The following KYNU variants were observed in gnomAD, a reference collection of about 807,000 sequenced individuals.
KYNU encodes the protein L-kynurenine hydrolase.
Under a neutral mutation model 59.2 loss-of-function variants are expected in KYNU, and 54 were observed. The ratio of observed to expected loss-of-function variants is 0.91; its 90% CI spans 0.73 to 1.14. The LOEUF (loss-of-function observed/expected upper bound fraction) is 1.14. KYNU is among the 50% of genes most tolerant of loss of function. KYNU has a pLI of 0.00. For missense variants in KYNU, 567 were observed against 554.4 expected (o/e 1.02, Z -0.23); for synonymous variants, 177 against 192.0 (o/e 0.92, Z 0.65).
At chr2:142,964,064 G>A (rs908551336) in intron 8 of KYNU, among the ~76,000 whole-genome samples, 1 of 150,178 alleles carries the variant, frequency 6.7e-6, no homozygotes, top group Non-Finnish European at 1.5e-5. Flanking sequence ...TGGCTTATTT[G>A]CTACTTTTAT....
intron 1 of KYNU, 113 bp from the exon 2 acceptor site, chr2:142,885,236 C>T: frequency 1.2e-6 from 1 of 802,186 alleles, no homozygotes; most frequent in Non-Finnish European, 2.1e-6. Context: ...GTATATTATT[C>T]CTGAGGTTGG....
intron 10 of KYNU, among the ~76,000 whole-genome samples, chr2:143,012,073 A>G (rs1220832558): frequency 6.6e-6 from 1 of 151,734 alleles, no homozygotes; most frequent in Non-Finnish European, 1.5e-5. Flanking sequence ...TAAAAAAAAA[A>G]AAAAAGAAAA....
At chr2:142,951,364 C>T (rs1228197596) in intron 4 of KYNU, among the ~76,000 whole-genome samples, 2 of 152,182 alleles carry the variant, frequency 1.3e-5, no homozygotes, top group Admixed American at 1.3e-4. Context: ...TGAGACCAGC[C>T]TGGACATGGT....
intron 8 of KYNU, among the ~76,000 whole-genome samples, chr2:142,974,630 G>T (rs1262083326): frequency 6.6e-6 from 1 of 152,208 alleles, no homozygotes; most frequent in Non-Finnish European, 1.5e-5. Flanking sequence ...GACTAGCTAT[G>T]TAAATCACAT....
At chr2:142,969,696 G>T (rs1684660289) in intron 8 of KYNU, among the ~76,000 whole-genome samples, 1 of 152,156 alleles carries the variant, frequency 6.6e-6, no homozygotes, top group Non-Finnish European at 1.5e-5. Context: ...CAAGCCTCCT[G>T]GTTGTCAATC....
intron 10 of KYNU, among the ~76,000 whole-genome samples, chr2:143,001,510 T>C (rs1429718745): frequency 6.6e-6 from 1 of 152,226 alleles, no homozygotes; most frequent in Non-Finnish European, 1.5e-5. Context: ...GTAGAGTTGT[T>C]AAACCATTTT....
intron 4 of KYNU, among the ~76,000 whole-genome samples, chr2:142,953,816 T>A (rs567679047): frequency 1.3e-5 from 2 of 152,330 alleles, no homozygotes; most frequent in African/African-American, 2.4e-5. Flanking sequence ...CTTAAATGGC[T>A]ATGTTGAAAT....
At chr2:142,948,046 C>T (rs1683858490) in intron 4 of KYNU, 1 of 152,072 alleles carries the variant, frequency 6.6e-6, no homozygotes, top group African/African-American at 2.4e-5. Context: ...TAATTGTGTC[C>T]ACCGAAGAAA....
At chr2:142,918,760 C>T (rs1226441978) in intron 3 of KYNU, 31 bp downstream of exon 3, 2 of 1,597,154 alleles carry the variant, frequency 1.3e-6, no homozygotes. Flanking sequence ...TACTACTCTA[C>T]ATCTCATACA....
chr2:143,042,071 A>G lies in KYNU; in HGVS notation c.1297A>G (p.Ile433Val). 6.2e-7 allele frequency: 1 copy of G among 1,611,914 alleles called. No homozygotes were observed. Among genetic ancestry groups the G allele is most frequent in the South Asian group, 1.1e-5 (1 of 91,050 alleles). Residue 433 changes from isoleucine (I) to valine (V), a missense_variant, in exon 14 of 14, where the codon ATT (isoleucine) becomes GTT (valine). Ile to Val is a conservative substitution (Grantham distance 29, BLOSUM62 3). Coordinates refer to ENST00000264170, the MANE Select transcript of KYNU (RefSeq NM_003937.3). ...VVCDKRNPNG[I>V]RVAPVPLYNS... is the part of the protein sequence containing the mutation. Reference sequence around the variant, plus strand: ...GTGTGACAAGCGGAATCCAAATGGCATTCGAGTGGCTCCAGTTCCTCTCTA... The same window carrying G: ...GTGTGACAAGCGGAATCCAAATGGCGTTCGAGTGGCTCCAGTTCCTCTCTA...
At chr2:142,936,360 G>C (rs1449855987) in intron 4 of KYNU, among the ~76,000 whole-genome samples, 1 of 152,286 alleles carries the variant, frequency 6.6e-6, no homozygotes, top group East Asian at 1.9e-4. Context: ...TGTAAAAAAA[G>C]ACGGGGCACT....
chr2:143,005,660 C>A (rs1244597953), intron 10 of KYNU, among the ~76,000 whole-genome samples: 1 of 151,836 alleles, frequency 6.6e-6, no homozygotes, highest in East Asian at 1.9e-4. Context: ...TACATTATTT[C>A]CCAAGTATTT....
rs989977440 is a variant in KYNU at position 143,044,722 on chromosome 2, G to T, written c.*2550G>T. 1.3e-5 allele frequency: 2 copies of T among 152,040 alleles called. No individual in the cohort carries two copies. Among genetic ancestry groups the T allele is most frequent in the Admixed American group, 6.6e-5 (1 of 15,256 alleles). 9.4% of individuals were successfully genotyped at this position (152,040 alleles called of 1,614,324 possible). A position where few individuals can be genotyped will look rare whatever the true frequency, so the allele number is the denominator to read the frequency against. ...TTATTTAAGTCCCTTGTAGATTCTG[G>T]ATATTTTCCCTTTGTCAGATGGATA... On this transcript the variant is annotated 3_prime_UTR_variant, in exon 14 of 14. Coordinates refer to ENST00000264170, the MANE Select transcript of KYNU (RefSeq NM_003937.3).
At chr2:142,944,460 A>G (rs1683709308) in intron 4 of KYNU, among the ~76,000 whole-genome samples, 1 of 152,228 alleles carries the variant, frequency 6.6e-6, no homozygotes. Flanking sequence ...CACTCATCTC[A>G]GAAGTGATTT....
intron 12 of KYNU, among the ~76,000 whole-genome samples, chr2:143,039,005 A>G (rs986983298): frequency 6.6e-6 from 1 of 152,086 alleles, no homozygotes; most frequent in African/African-American, 2.4e-5. Flanking sequence ...CTTGACCTTA[A>G]GAGATAAGCC....
intron 2 of KYNU, among the ~76,000 whole-genome samples, chr2:142,908,435 T>G (rs897783419): frequency 5.5e-4 from 83 of 152,176 alleles, no homozygotes; most frequent in African/African-American, 1.9e-3. Flanking sequence ...GTTTTGTTTT[T>G]AATGGGTAAA....
At chr2:143,032,307 C>CA (rs780866885) in intron 11 of KYNU, among the ~76,000 whole-genome samples, 71 of 149,366 alleles carry the variant, frequency 4.8e-4, no homozygotes, top group African/African-American at 9.1e-4. Flanking sequence ...AAAAACAAAA[C>CA]AAAAAAAACT....
chr2:142,988,816 T>C lies in KYNU; in HGVS notation c.902+2795T>C, dbSNP rs578086909. 12 of 1,499,608 alleles carry C rather than the reference T, an allele frequency of 8.0e-6. No homozygotes were observed. The South Asian group carries it at 9.0e-5, about 11-fold the overall frequency. 92.9% of individuals were successfully genotyped at this position (1,499,608 alleles called of 1,614,324 possible). On this transcript the variant is annotated intron_variant, in intron 10 of 13. Coordinates refer to ENST00000264170, the MANE Select transcript of KYNU (RefSeq NM_003937.3). ...CCTTGGCTCTCTATTCTGTACCAAG[T>C]ATCTTATATTGTACTTCATTTGCAT...
chr2:142,926,651 T>C (rs570279404), intron 3 of KYNU, among the ~76,000 whole-genome samples: 1 of 152,266 alleles, frequency 6.6e-6, no homozygotes, highest in South Asian at 2.1e-4. Flanking sequence ...CTTATGGTAA[T>C]GAAGCTATAG....
Sources: allele counts gnomAD v4.1 joint callset (sites outside exome capture counted in the v4.1 genomes callset), GRCh38; gene constraint gnomAD v4.1.1; transcripts MANE v1.5; gene names NCBI Gene and HGNC (gene_info 2026-07-23, HGNC 2026-07-21).